CIDEA: variants seen among roughly 807,000 people sequenced by gnomAD.
CIDEA encodes cell death inducing DFFA like effector a, also known as lipid transferase CIDEA.
In CIDEA, 10 loss-of-function variants were observed where a neutral mutation model predicts 18.2. The observed-to-expected ratio is 0.55, with a 90% confidence interval of 0.34 to 0.93. CIDEA has a LOEUF of 0.93. Ranked by LOEUF, CIDEA falls within the 40% of genes least tolerant of loss-of-function variation. CIDEA has a pLI of 0.02. For synonymous variants in CIDEA, 128 were observed against 124.8 expected (o/e 1.03, Z -0.17); for missense variants, 309 against 293.1 (o/e 1.05, Z -0.40).
chr18:12,266,060 C>A (rs1257028827), intron 3 of CIDEA, among the ~76,000 whole-genome samples: 1 of 151,958 alleles, frequency 6.6e-6, no homozygotes, highest in African/African-American at 2.4e-5. Context: ...CCAATCTCCA[C>A]CAAAAAAAAT....
chr18:12,273,759 G>A (rs964808389), intron 3 of CIDEA, among the ~76,000 whole-genome samples: 1 of 152,184 alleles, frequency 6.6e-6, no homozygotes, highest in African/African-American at 2.4e-5. Flanking sequence ...TAACCATGGT[G>A]GCCTCCAGGG....
intron 3 of CIDEA, among the ~76,000 whole-genome samples, chr18:12,267,303 C>T (rs1016021132): frequency 2.0e-5 from 3 of 152,246 alleles, no homozygotes; most frequent in South Asian, 2.1e-4. Context: ...CCTTGCAGCA[C>T]ACACGTGTGC....
At chr18:12,265,507 GA>G (rs1328505651) in intron 3 of CIDEA, among the ~76,000 whole-genome samples, 1 of 152,242 alleles carries the variant, frequency 6.6e-6, no homozygotes, top group African/African-American at 2.4e-5. Flanking sequence ...GTAAAGCAGG[GA>G]ATCTTAGAGC....
chr18:12,276,995 A>T, intron 4 of CIDEA, 128 bp from the exon 5 acceptor site: 1 of 1,003,880 alleles, frequency 1.0e-6, no homozygotes, highest in Non-Finnish European at 1.5e-6. Flanking sequence ...TCAGACAGCC[A>T]TGCTCTAAAT....
chr18:12,259,844 GA>G (rs1402059315), intron 1 of CIDEA, among the ~76,000 whole-genome samples: 12 of 152,280 alleles, frequency 7.9e-5, no homozygotes, highest in African/African-American at 2.9e-4. Flanking sequence ...CTGGGCAACA[GA>G]GCGAGACTCT....
chr18:12,254,679 G>A, intron 1 of CIDEA: 1 of 1,521,008 alleles, frequency 6.6e-7, no homozygotes, highest in Non-Finnish European at 8.8e-7. Context: ...CAGGTACCAG[G>A]TGTGGCTCTT....
At chr18:12,275,788 G>C (rs1311139450) in intron 4 of CIDEA, among the ~76,000 whole-genome samples, 3 of 152,118 alleles carry the variant, frequency 2.0e-5, no homozygotes, top group African/African-American at 7.2e-5. Flanking sequence ...CTAAACTACA[G>C]TCACTGTCAT....
At chr18:12,256,798 G>C (rs572935087) in intron 1 of CIDEA, among the ~76,000 whole-genome samples, 1 of 152,302 alleles carries the variant, frequency 6.6e-6, no homozygotes. Flanking sequence ...TCTGCTTCTT[G>C]AATTTAAATT....
chr18:12,254,936 C>A, intron 1 of CIDEA: 1 of 1,233,912 alleles, frequency 8.1e-7, no homozygotes, highest in South Asian at 1.5e-5. Flanking sequence ...GAGGCCCCAA[C>A]CGTCCGGCGG....
chr18:12,275,996 A>AT lies in CIDEA; in HGVS notation c.513-1119dup, dbSNP rs1403551978. The stretch of plus-strand genomic sequence containing the variant: ...AAATCTTTTTTCTTTTTCTTTTCTT[A>AT]TTTTTTTTCTTTTTTGAGACGGAAT... On this transcript the variant is annotated intron_variant, in intron 4 of 4. Coordinates refer to ENST00000320477, the MANE Select transcript of CIDEA (RefSeq NM_001279.4). 1.4e-3 allele frequency among the ~76,000 whole-genome samples: 200 copies of AT among 141,994 alleles called. 9 individuals are homozygous for AT. Among genetic ancestry groups the AT allele is most frequent in the South Asian group, 3.7e-3 (17 of 4,594 alleles). 93.2% of individuals were successfully genotyped at this position (141,994 alleles called of 152,430 possible).
At chr18:12,256,976 A>G (rs994918929) in intron 1 of CIDEA, among the ~76,000 whole-genome samples, 4 of 152,122 alleles carry the variant, frequency 2.6e-5, no homozygotes, top group African/African-American at 7.2e-5. Flanking sequence ...TGCATATGTC[A>G]CGTCCAAGAG....
intron 4 of CIDEA, among the ~76,000 whole-genome samples, chr18:12,276,783 G>A (rs1905349947): frequency 6.6e-6 from 1 of 152,216 alleles, no homozygotes; most frequent in South Asian, 2.1e-4. Flanking sequence ...TGCGGGTGCG[G>A]CCATCTGCTC....
chr18:12,266,880 C>T (rs1912365214), intron 3 of CIDEA, among the ~76,000 whole-genome samples: 1 of 151,772 alleles, frequency 6.6e-6, no homozygotes, highest in Non-Finnish European at 1.5e-5. Context: ...TCTGCCTCAG[C>T]CTCCCGAGTA....
chr18:12,255,718 C>T (rs1161555250), intron 1 of CIDEA, among the ~76,000 whole-genome samples: 3 of 152,178 alleles, frequency 2.0e-5, no homozygotes, highest in African/African-American at 7.2e-5. Context: ...TGGGCTGACT[C>T]GCACTAACCA....
intron 3 of CIDEA, among the ~76,000 whole-genome samples, chr18:12,264,662 T>C (rs1339005002): frequency 6.6e-6 from 1 of 152,052 alleles, no homozygotes; most frequent in Non-Finnish European, 1.5e-5. Context: ...CACGCCATTC[T>C]CCTGCCTCAG....
intron 4 of CIDEA, among the ~76,000 whole-genome samples, chr18:12,275,191 C>T (rs532875560): frequency 2.0e-5 from 3 of 152,224 alleles, no homozygotes; most frequent in East Asian, 3.9e-4. Context: ...GGCGTGGTGG[C>T]GGATGCCTGT....
intron 1 of CIDEA, among the ~76,000 whole-genome samples, chr18:12,257,785 C>A (rs1237121041): frequency 6.6e-6 from 1 of 152,128 alleles, no homozygotes; most frequent in South Asian, 2.1e-4. Context: ...AGCGGCAGTT[C>A]TCATGTGTGG....
intron 3 of CIDEA, among the ~76,000 whole-genome samples, chr18:12,266,885 C>G (rs755464211): frequency 6.6e-6 from 1 of 151,798 alleles, no homozygotes; most frequent in Admixed American, 6.6e-5. Context: ...CTCAGCCTCC[C>G]GAGTAGCTGG....
chr18:12,266,664 C>T (rs772629772), intron 3 of CIDEA, among the ~76,000 whole-genome samples: 17 of 151,996 alleles, frequency 1.1e-4, no homozygotes, highest in Non-Finnish European at 2.1e-4. Flanking sequence ...GTGGGGAACA[C>T]GAAGGATGTT....
Sources: allele counts gnomAD v4.1 joint callset (sites outside exome capture counted in the v4.1 genomes callset), GRCh38; gene constraint gnomAD v4.1.1; transcripts MANE v1.5; gene names NCBI Gene and HGNC (gene_info 2026-07-23, HGNC 2026-07-21).